The following ERC2 variants were observed in gnomAD, a reference collection of about 807,000 sequenced individuals.
The protein encoded by ERC2 is ERC protein 2.
ERC2 carries 42 observed loss-of-function variants against 114.8 expected under a neutral mutation model. That is an observed-to-expected ratio of 0.37 (90% CI 0.29 to 0.47). The LOEUF is 0.47. ERC2 is among the 20% of genes least tolerant of loss of function. The probability of loss-of-function intolerance (pLI) is 0.99; values close to 1 mark genes in which losing one functional copy is unlikely to be tolerated. For synonymous variants in ERC2, 454 were observed against 425.5 expected (o/e 1.07, Z -0.82); for missense variants, 939 against 1,150.7 (o/e 0.82, Z 2.66).
chr3:56,306,707 A>G (rs1386009314), intron 2 of ERC2, among the ~76,000 whole-genome samples: 1 of 152,198 alleles, frequency 6.6e-6, no homozygotes, highest in African/African-American at 2.4e-5. Context: ...ATCCAACAGC[A>G]TAGAATAATC....
chr3:56,065,589 A>C (rs898962167), intron 7 of ERC2, among the ~76,000 whole-genome samples: 1 of 151,726 alleles, frequency 6.6e-6, no homozygotes, highest in Admixed American at 6.6e-5. Flanking sequence ...GGTTTGTTGC[A>C]TAGGTTAATG....
intron 15 of ERC2, among the ~76,000 whole-genome samples, chr3:55,720,866 C>T (rs948387466): frequency 6.6e-6 from 1 of 152,214 alleles, no homozygotes; most frequent in African/African-American, 2.4e-5. Flanking sequence ...CAACTAAGAT[C>T]AGCATCTTGT....
At chr3:55,989,781 G>A (rs543221308) in intron 11 of ERC2, among the ~76,000 whole-genome samples, 5 of 152,236 alleles carry the variant, frequency 3.3e-5, no homozygotes, top group South Asian at 2.1e-4. Context: ...AGTATTGCAC[G>A]TCAAGTGCTT....
chr3:55,620,907 C>T (rs2059298873), intron 17 of ERC2, among the ~76,000 whole-genome samples: 1 of 152,162 alleles, frequency 6.6e-6, no homozygotes, highest in African/African-American at 2.4e-5. Flanking sequence ...TATAACATAA[C>T]TGTTGTCATT....
chr3:56,276,538 A>T (rs2054011507), intron 3 of ERC2, among the ~76,000 whole-genome samples: 1 of 152,034 alleles, frequency 6.6e-6, no homozygotes, highest in African/African-American at 2.4e-5. Context: ...GTTCAAGTTG[A>T]ATATTTTTGA....
chr3:56,456,938 C>T (rs1003038647), intron 1 of ERC2, among the ~76,000 whole-genome samples: 5 of 144,448 alleles, frequency 3.5e-5, no homozygotes, highest in Admixed American at 7.5e-5. Context: ...GTATAATGTA[C>T]AAAAGTGTAA....
chr3:56,085,608 T>C (rs551686155), intron 6 of ERC2, among the ~76,000 whole-genome samples: 1 of 152,284 alleles, frequency 6.6e-6, no homozygotes, highest in African/African-American at 2.4e-5. Flanking sequence ...ATGTGGCCCA[T>C]TTTTGTTTAA....
intron 12 of ERC2, among the ~76,000 whole-genome samples, chr3:55,951,931 C>G (rs1255935320): frequency 2.0e-5 from 3 of 151,792 alleles, no homozygotes; most frequent in African/African-American, 4.8e-5. Flanking sequence ...CTCTCCCATT[C>G]CAAGCAAACG....
At chr3:56,184,785 T>C (rs1052052878) in intron 3 of ERC2, among the ~76,000 whole-genome samples, 33 of 152,210 alleles carry the variant, frequency 2.2e-4, no homozygotes, top group African/African-American at 7.7e-4. Flanking sequence ...AGTTCCCTGA[T>C]AGAACCCCAC....
At chr3:56,001,939 GT>G (rs1375481262) in intron 10 of ERC2, among the ~76,000 whole-genome samples, 2 of 151,908 alleles carry the variant, frequency 1.3e-5, no homozygotes, top group African/African-American at 2.4e-5. Context: ...AGTCTTATTT[GT>G]CTTTCTTCAC....
At chr3:56,170,780 T>TC (rs2082622568) in intron 4 of ERC2, among the ~76,000 whole-genome samples, 1 of 148,554 alleles carries the variant, frequency 6.7e-6, no homozygotes, top group African/African-American at 2.5e-5. Flanking sequence ...TTTTTTTTTT[T>TC]CTGAGACAGA....
chr3:56,221,390 T>C (rs2049898717), intron 3 of ERC2, among the ~76,000 whole-genome samples: 1 of 121,570 alleles, frequency 8.2e-6, no homozygotes, highest in Admixed American at 8.4e-5. Flanking sequence ...AGTTGTCATC[T>C]CACCAAAAAA....
intron 14 of ERC2, among the ~76,000 whole-genome samples, chr3:55,846,693 T>TTTCTCTCTC (rs2061382989): frequency 2.8e-5 from 4 of 142,820 alleles, no homozygotes; most frequent in African/African-American, 1.1e-4. Flanking sequence ...CTCTCTCTCT[T>TTTCTCTCTC]TCTCTCTCTC....
chr3:55,920,446 A>ACCCCCCCCC (rs1553734038), intron 13 of ERC2, among the ~76,000 whole-genome samples: 1 of 145,446 alleles, frequency 6.9e-6, no homozygotes, highest in African/African-American at 2.6e-5. Flanking sequence ...ACACACACAC[A>ACCCCCCCCC]CCCCAAGTGA....
At chr3:55,786,747 G>T (rs1490225829) in intron 14 of ERC2, among the ~76,000 whole-genome samples, 2 of 152,124 alleles carry the variant, frequency 1.3e-5, no homozygotes, top group Non-Finnish European at 2.9e-5. Flanking sequence ...TAAGTCAGAG[G>T]CCCCTGGAGT....
At chr3:55,832,409 A>G (rs2149190280) in intron 14 of ERC2, among the ~76,000 whole-genome samples, 1 of 152,246 alleles carries the variant, frequency 6.6e-6, no homozygotes, top group Non-Finnish European at 1.5e-5. Context: ...CTGAGACAAA[A>G]CTTCCAGAGG....
chr3:55,786,098 T>TA (rs1260773772), intron 14 of ERC2, among the ~76,000 whole-genome samples: 2 of 152,232 alleles, frequency 1.3e-5, no homozygotes, highest in Non-Finnish European at 2.9e-5. Context: ...CTCTACATAG[T>TA]ATGTCACACA....
intron 14 of ERC2, among the ~76,000 whole-genome samples, chr3:55,882,349 C>T (rs2063153833): frequency 6.6e-6 from 1 of 152,192 alleles, no homozygotes; most frequent in Non-Finnish European, 1.5e-5. Flanking sequence ...CCTGCAGAAC[C>T]ATGAGCCAAA....
intron 17 of ERC2, among the ~76,000 whole-genome samples, chr3:55,664,577 C>T (rs991648841): frequency 6.6e-6 from 1 of 152,140 alleles, no homozygotes; most frequent in Non-Finnish European, 1.5e-5. Flanking sequence ...GCTGGGTTAC[C>T]ATCTCGCCTT....
Sources: allele counts gnomAD v4.1 joint callset (sites outside exome capture counted in the v4.1 genomes callset), GRCh38; gene constraint gnomAD v4.1.1; transcripts MANE v1.5; gene names NCBI Gene and HGNC (gene_info 2026-07-23, HGNC 2026-07-21).